Variants in PRR16 observed in about 807,000 individuals in gnomAD.
PRR16 encodes the protein protein Largen.
In PRR16, 6 loss-of-function variants were observed where a neutral mutation model predicts 18.2. That is an observed-to-expected ratio of 0.33 (90% confidence interval 0.18 to 0.65). The LOEUF is 0.65. PRR16 is among the 30% of genes least tolerant of loss of function. The pLI, the probability that PRR16 is intolerant of heterozygous loss-of-function variation, is 0.74. For missense variants in PRR16, 412 were observed against 376.6 expected, an observed-to-expected ratio of 1.09 and a Z score of -0.78; for synonymous variants, 151 against 147.8, an observed-to-expected ratio of 1.02 and a Z score of -0.16.
Position 120,590,584 on chromosome 5 carries a change from G to A in PRR16, c.160-95370G>A, listed in dbSNP as rs925895847. On this transcript the variant is annotated intron_variant, in intron 1 of 1. Coordinates refer to ENST00000407149, the MANE Select transcript of PRR16 (RefSeq NM_001300783.2). ...AATTATAGCTAATTTATCTAGAATT[G>A]TTAGAAGCTAAGATTTACACTTGAA... is the stretch of plus-strand genomic sequence containing the variant. Among the ~76,000 whole-genome samples the A allele has an allele frequency of 5.9e-5, 9 of 152,030 alleles. 1 individual carries two copies. The highest frequency in any genetic ancestry group is 1.3e-4 in the Non-Finnish European group (9 of 67,992).
intron 1 of PRR16, among the ~76,000 whole-genome samples, chr5:120,534,239 T>G (rs1034418259): frequency 1.6e-4 from 24 of 152,160 alleles, no homozygotes; most frequent in Admixed American, 1.6e-3. Flanking sequence ...CTAAGAGAGA[T>G]AGAGCAGAGG....
At chr5:120,509,244 A>G (rs921902359) in intron 1 of PRR16, among the ~76,000 whole-genome samples, 2 of 152,108 alleles carry the variant, frequency 1.3e-5, no homozygotes, top group African/African-American at 2.4e-5. Flanking sequence ...CAGGCCCTCT[A>G]TGGTGTAATC....
At chr5:120,651,744 G>A (rs1337938247) in intron 1 of PRR16, among the ~76,000 whole-genome samples, 6 of 152,134 alleles carry the variant, frequency 3.9e-5, no homozygotes, top group Non-Finnish European at 5.9e-5. Context: ...TTGTAATATA[G>A]CTTGAAGTCA....
chr5:120,750,427 G>A, the PRR16 span, among the ~76,000 whole-genome samples: 3 of 151,936 alleles, frequency 2.0e-5, no homozygotes, highest in Non-Finnish European at 2.9e-5. Context: ...GGGAGGCCGA[G>A]GCAGGTGGAT....
chr5:120,544,150 G>A (rs568303280), intron 1 of PRR16, among the ~76,000 whole-genome samples: 11 of 152,156 alleles, frequency 7.2e-5, no homozygotes, highest in Admixed American at 6.5e-4. Context: ...GAGTGAAAAA[G>A]GAAAACACAG....
intron 1 of PRR16, among the ~76,000 whole-genome samples, chr5:120,547,433 G>A (rs1357631540): frequency 3.9e-5 from 6 of 152,034 alleles, no homozygotes; most frequent in Non-Finnish European, 5.9e-5. Flanking sequence ...ATACTTCACC[G>A]AATCCCATAC....
downstream of PRR16, among the ~76,000 whole-genome samples, chr5:120,688,180 T>C (rs146505423): frequency 6.6e-6 from 1 of 152,328 alleles, no homozygotes; most frequent in African/African-American, 2.4e-5. Context: ...ATTTGAATAG[T>C]GTTTTTGACA....
the PRR16 span, among the ~76,000 whole-genome samples, chr5:120,695,259 G>T: frequency 6.6e-6 from 1 of 152,148 alleles, no homozygotes; most frequent in Middle Eastern, 3.4e-3. Context: ...CAGTACTGAA[G>T]TTCTGGGCTG....
intron 1 of PRR16, among the ~76,000 whole-genome samples, chr5:120,557,414 T>C (rs1752449701): frequency 6.6e-6 from 1 of 151,980 alleles, no homozygotes; most frequent in Admixed American, 6.6e-5. Flanking sequence ...CCTCTTTATA[T>C]TTTCTTCTAC....
chr5:120,530,107 T>G (rs1295171197), intron 1 of PRR16, among the ~76,000 whole-genome samples: 1 of 149,820 alleles, frequency 6.7e-6, no homozygotes, highest in Non-Finnish European at 1.5e-5. Context: ...AGTACACATA[T>G]TTCTCATGTA....
chr5:120,562,459 T>G (rs1367475665), intron 1 of PRR16, among the ~76,000 whole-genome samples: 1 of 152,164 alleles, frequency 6.6e-6, no homozygotes, highest in Non-Finnish European at 1.5e-5. Flanking sequence ...ATTGGAGAGT[T>G]TAGTCCATTT....
intron 1 of PRR16, among the ~76,000 whole-genome samples, chr5:120,482,355 C>G (rs1271797591): frequency 1.3e-5 from 2 of 152,116 alleles, no homozygotes; most frequent in Non-Finnish European, 2.9e-5. Flanking sequence ...TGTTTAGCTC[C>G]TGCTTATAAG....
the PRR16 span, among the ~76,000 whole-genome samples, chr5:120,774,138 G>A: frequency 1.3e-5 from 2 of 152,118 alleles, no homozygotes; most frequent in Non-Finnish European, 2.9e-5. Flanking sequence ...ATTTCTTAAA[G>A]AGGAGATTAC....
At chr5:120,501,542 C>T (rs935781813) in intron 1 of PRR16, among the ~76,000 whole-genome samples, 4 of 152,052 alleles carry the variant, frequency 2.6e-5, no homozygotes, top group Non-Finnish European at 4.4e-5. Flanking sequence ...CTTTTATAAA[C>T]AACATTTTCC....
chr5:120,465,156 TC>T (rs759426844), intron 1 of PRR16, among the ~76,000 whole-genome samples: 450 of 152,260 alleles, frequency 3.0e-3, no homozygotes, highest in Non-Finnish European at 5.3e-3. Context: ...CAGACTACCC[TC>T]CCTGTCTCTC....
the PRR16 span, among the ~76,000 whole-genome samples, chr5:120,776,756 CTCA>C: frequency 1.3e-5 from 2 of 152,020 alleles, no homozygotes; most frequent in Admixed American, 1.3e-4. Context: ...TAAAGTCTCT[CTCA>C]TATCAAAATT....
the PRR16 span, among the ~76,000 whole-genome samples, chr5:120,759,170 G>A: frequency 4.6e-5 from 7 of 151,764 alleles, no homozygotes; most frequent in South Asian, 1.5e-3. Context: ...TAGAGACAGG[G>A]TTTCACCGTG....
At chr5:120,503,084 T>G (rs1004269306) in intron 1 of PRR16, among the ~76,000 whole-genome samples, 3 of 152,196 alleles carry the variant, frequency 2.0e-5, no homozygotes, top group African/African-American at 7.2e-5. Context: ...TAGTTAATCT[T>G]GGTTAAAGAC....
chr5:120,627,529 G>T (rs1452377457), intron 1 of PRR16, among the ~76,000 whole-genome samples: 1 of 151,952 alleles, frequency 6.6e-6, no homozygotes, highest in African/African-American at 2.4e-5. Flanking sequence ...ATAGACAGAT[G>T]GAGAAAAGAA....
Sources: allele counts gnomAD v4.1 joint callset (sites outside exome capture counted in the v4.1 genomes callset), GRCh38; gene constraint gnomAD v4.1.1; transcripts MANE v1.5; gene names NCBI Gene and HGNC (gene_info 2026-07-23, HGNC 2026-07-21).